SOX5: variants seen among roughly 807,000 people sequenced by gnomAD.
SOX5 encodes SRY-box transcription factor 5, also known as transcription factor SOX-5.
SOX5 carries 9 observed loss-of-function variants against 92.0 expected under a neutral mutation model. The ratio of observed to expected loss-of-function variants is 0.10; its 90% CI spans 0.06 to 0.17. The LOEUF (loss-of-function observed/expected upper bound fraction) is 0.17, where lower values mean the gene tolerates loss of function less well. Ranked by LOEUF, SOX5 falls within the 10% of genes least tolerant of loss-of-function variation. The pLI, the probability that SOX5 is intolerant of heterozygous loss-of-function variation, is 1.00. For synonymous variants in SOX5, 344 were observed against 336.3 expected, an observed-to-expected ratio of 1.02 and a Z score of -0.25; for missense variants, 642 against 944.5, an observed-to-expected ratio of 0.68 and a Z score of 4.20.
intron 3 of SOX5, among the ~76,000 whole-genome samples, chr12:23,787,042 C>T (rs1415716331): frequency 7.4e-6 from 1 of 134,736 alleles, no homozygotes; most frequent in Non-Finnish European, 1.6e-5. Context: ...TCCATAAGCA[C>T]TCTGCCAACA....
intron 7 of SOX5, among the ~76,000 whole-genome samples, chr12:23,662,543 C>T (rs933885840): frequency 6.6e-6 from 1 of 152,176 alleles, no homozygotes; most frequent in African/African-American, 2.4e-5. Context: ...GGCTCAGCAA[C>T]CACATTTTGT....
intron 4 of SOX5, among the ~76,000 whole-genome samples, chr12:24,142,419 T>C (rs1950672336): frequency 6.6e-6 from 1 of 152,166 alleles, no homozygotes; most frequent in Non-Finnish European, 1.5e-5. Flanking sequence ...TGTTCTAGAC[T>C]ACACCCAAAG....
intron 9 of SOX5, among the ~76,000 whole-genome samples, chr12:23,592,345 A>G (rs575569637): frequency 6.6e-6 from 1 of 152,338 alleles, no homozygotes; most frequent in East Asian, 1.9e-4. Context: ...ATGATAAAAC[A>G]TATTTCTTAA....
At chr12:23,665,687 T>C in intron 6 of SOX5, 123 bp from the exon 7 acceptor site, 1 of 1,129,644 alleles carries the variant, frequency 8.9e-7, no homozygotes, top group Non-Finnish European at 1.2e-6. Flanking sequence ...GCATAGAAGC[T>C]TGCTGGGATA....
chr12:24,389,088 T>G (rs1958712026), intron 1 of SOX5, among the ~76,000 whole-genome samples: 1 of 152,210 alleles, frequency 6.6e-6, no homozygotes, highest in East Asian at 1.9e-4. Flanking sequence ...GTATATCTCC[T>G]AAAGCTATCC....
intron 3 of SOX5, among the ~76,000 whole-genome samples, chr12:23,791,741 C>T (rs764342929): frequency 6.6e-6 from 1 of 152,000 alleles, no homozygotes; most frequent in Non-Finnish European, 1.5e-5. Context: ...TACTGAGACT[C>T]AGTAACTTCT....
intron 10 of SOX5, among the ~76,000 whole-genome samples, chr12:23,574,973 G>A (rs1948898480): frequency 6.6e-6 from 1 of 152,062 alleles, no homozygotes; most frequent in African/African-American, 2.4e-5. Flanking sequence ...ACTAAACCAT[G>A]AGCTCCTTGA....
intron 4 of SOX5, among the ~76,000 whole-genome samples, chr12:24,177,829 C>T (rs914132468): frequency 6.6e-6 from 1 of 151,956 alleles, no homozygotes; most frequent in Non-Finnish European, 1.5e-5. Context: ...TCTTGTCAAA[C>T]CAGTCATTGA....
intron 4 of SOX5, among the ~76,000 whole-genome samples, chr12:24,171,236 T>TTTTTTTTTG (rs1954106155): frequency 2.3e-5 from 3 of 130,214 alleles, no homozygotes; most frequent in Non-Finnish European, 5.0e-5. Flanking sequence ...TTTGTTTTTT[T>TTTTTTTTTG]TTTTGGAGAC....
intron 3 of SOX5, among the ~76,000 whole-genome samples, chr12:24,236,209 AATAG>A (rs1418934631): frequency 6.6e-6 from 1 of 151,994 alleles, no homozygotes; most frequent in Non-Finnish European, 1.5e-5. Flanking sequence ...AAAATAAATA[AATAG>A]ATAAATAAAA....
At chr12:24,349,068 AT>A (rs1953718242) in intron 2 of SOX5, among the ~76,000 whole-genome samples, 1 of 152,150 alleles carries the variant, frequency 6.6e-6, no homozygotes, top group South Asian at 2.1e-4. Context: ...CTTCCTTTTC[AT>A]TTAAACATAC....
At chr12:23,775,212 ATCAT>A (rs2095059972) in intron 3 of SOX5, among the ~76,000 whole-genome samples, 1 of 152,204 alleles carries the variant, frequency 6.6e-6, no homozygotes, top group Non-Finnish European at 1.5e-5. Flanking sequence ...TAATATGAAA[ATCAT>A]TAATACTTAT....
At chr12:24,087,236 T>C (rs1290267794) in intron 4 of SOX5, among the ~76,000 whole-genome samples, 2 of 152,010 alleles carry the variant, frequency 1.3e-5, no homozygotes, top group Non-Finnish European at 2.9e-5. Context: ...TAATTATTGT[T>C]CCAGGAATTG....
intron 6 of SOX5, among the ~76,000 whole-genome samples, chr12:23,684,766 T>C (rs185965471): frequency 4.6e-4 from 70 of 152,284 alleles, no homozygotes; most frequent in Admixed American, 1.2e-3. Flanking sequence ...GGTGATCTCA[T>C]CTGTCATTTA....
intron 4 of SOX5, among the ~76,000 whole-genome samples, chr12:24,172,752 A>T (rs1205148316): frequency 6.6e-6 from 1 of 152,228 alleles, no homozygotes; most frequent in Non-Finnish European, 1.5e-5. Context: ...GATTTTAAAC[A>T]TCAGAAATTT....
chr12:24,143,862 G>GAGGAGAAGGAGGAGGAGGAGGAA (rs1343808636), intron 4 of SOX5, among the ~76,000 whole-genome samples: 2 of 151,392 alleles, frequency 1.3e-5, no homozygotes, highest in Non-Finnish European at 3.0e-5. Context: ...AAAGAAGAAG[G>GAGGAGAAGGAGGAGGAGGAGGAA]AGGAGAAGGA....
intron 1 of SOX5, among the ~76,000 whole-genome samples, chr12:23,924,310 C>T (rs1939315976): frequency 6.6e-6 from 1 of 152,146 alleles, no homozygotes; most frequent in Non-Finnish European, 1.5e-5. Context: ...CCTGTAGCTA[C>T]TGTTGTAGCA....
intron 2 of SOX5, among the ~76,000 whole-genome samples, chr12:24,299,007 G>T (rs1037059612): frequency 2.0e-5 from 3 of 152,108 alleles, no homozygotes; most frequent in African/African-American, 7.2e-5. Context: ...CAAGTATTGG[G>T]TCTATGTGTG....
At chr12:24,359,585 T>G (rs1297658061) in intron 2 of SOX5, among the ~76,000 whole-genome samples, 1 of 152,228 alleles carries the variant, frequency 6.6e-6, no homozygotes, top group East Asian at 1.9e-4. Context: ...TAATTCAGAC[T>G]CCAAAAACTG....
Sources: gnomAD v4.1 joint callset for allele counts (sites outside exome capture counted in the v4.1 genomes callset) on GRCh38, gnomAD v4.1.1 for gene constraint, MANE v1.5 for transcripts, NCBI Gene and HGNC (gene_info 2026-07-23, HGNC 2026-07-21) for gene names.